Variants in CDCP2 observed in about 807,000 individuals in gnomAD.
The protein encoded by CDCP2 is CUB domain containing protein 2, also known as CUB domain-containing protein 2.
In CDCP2, 31 loss-of-function variants were observed where a neutral mutation model predicts 31.0. The ratio of observed to expected loss-of-function variants is 1.00; its 90% CI spans 0.75 to 1.35. The LOEUF is 1.35. Among genes scored for constraint, CDCP2 ranks in the 40% most tolerant of loss-of-function variants. The pLI, the probability that CDCP2 is intolerant of heterozygous loss-of-function variation, is 0.00. For missense variants in CDCP2, 443 were observed against 482.6 expected, an observed-to-expected ratio of 0.92 and a Z score of 0.77; for synonymous variants, 206 against 207.9, an observed-to-expected ratio of 0.99 and a Z score of 0.08.
At position 54,139,718 on chromosome 1, in the gene CDCP2, G is replaced by A. The variant is rs78565685; in HGVS notation, c.1117+35C>T. 3.0e-4 allele frequency: 490 copies of A among 1,614,138 alleles called. 2 individuals carry two copies. The East Asian group carries it at 0.01, about 33-fold the overall frequency. ...ACTGAGGCTGCAAAGCCTCCCCTTC[G>A]CCCTCAGTGGACCCACTCCCACAGC... On this transcript the variant is annotated intron_variant, in intron 4 of 5. Coordinates refer to ENST00000530059, the Ensembl canonical transcript of CDCP2.
At position 54,146,458 on chromosome 1, in the gene CDCP2, G is replaced by C. The variant is rs1659473062; in HGVS notation, c.80-1645C>G. ...GCCTCCCGAAGTGCTGGGATTATAG[G>C]CATGAGCCACCGCGCCCAGCCTGAG... On this transcript the variant is annotated intron_variant, in intron 1 of 5. Transcript: ENST00000530059. Among the ~76,000 whole-genome samples the C allele has an allele frequency of 2.0e-5, 3 of 151,896 alleles. 1 individual carries two copies. Among genetic ancestry groups the C allele is most frequent in the African/African-American group, 7.3e-5 (3 of 41,144 alleles).
chr1:54,147,838 C>CATCT (rs1327535022), intron 1 of CDCP2, among the ~76,000 whole-genome samples: 1 of 151,074 alleles, frequency 6.6e-6, no homozygotes, highest in Non-Finnish European at 1.5e-5. Context: ...GTAAGACCCC[C>CATCT]ATCTCTACAA....
At position 54,139,997 on chromosome 1, in the gene CDCP2, C is replaced by CG. The variant is rs1659334946; in HGVS notation, c.872dup (p.Tyr293LeufsTer23). On this transcript the variant is annotated frameshift_variant, in exon 4 of 6. Coordinates refer to ENST00000530059, the Ensembl canonical transcript of CDCP2. LOFTEE classifies it high-confidence loss of function. ...GGAAGAACACCTTGACCTGGTAGCC[C>CG]GGGGGCAGGCGGATGGTCCAGTGGC... 1 of 1,613,860 alleles carries CG rather than the reference C, an allele frequency of 6.2e-7. No individual in the cohort carries two copies. Among genetic ancestry groups the CG allele is most frequent in the South Asian group, 1.1e-5 (1 of 91,080 alleles).
chr1:54,141,132 G>A, exon 3 of CDCP2: 4 of 1,542,102 alleles, frequency 2.6e-6, no homozygotes, highest in Non-Finnish European at 3.5e-6. Flanking sequence ...CACGGCCTCC[G>A]ATGTTGAAGT....
intron 1 of CDCP2, 61 bp from the exon 2 acceptor site, chr1:54,144,874 G>A: frequency 7.6e-7 from 1 of 1,309,058 alleles, no homozygotes; most frequent in African/African-American, 1.5e-5. Flanking sequence ...CATGTGGTAA[G>A]GGCAGTGGGC....
intron 4 of CDCP2, chr1:54,137,672 T>TGTGTGTGTGC (rs1348628081): frequency 1.7e-5 from 2 of 121,170 alleles, no homozygotes; most frequent in Non-Finnish European, 3.4e-5. Flanking sequence ...CATGTGTGTG[T>TGTGTGTGTGC]GTGTGTGTGT....
At chr1:54,140,092 C>A (rs1557706509) in exon 4 of CDCP2, 1 of 1,613,256 alleles carries the variant, frequency 6.2e-7, no homozygotes, top group Admixed American at 1.7e-5. Context: ...GCCATGTATA[C>A]CTCCTGGCAT....
chr1:54,135,137 G>A (rs1418150765), intron 5 of CDCP2, among the ~76,000 whole-genome samples: 1 of 147,590 alleles, frequency 6.8e-6, no homozygotes, highest in Non-Finnish European at 1.5e-5. Flanking sequence ...CCAGTGAAAG[G>A]CTAAAGTAAA....
At chr1:54,141,318 G>C (rs764663365) in exon 3 of CDCP2, 7 of 1,614,114 alleles carry the variant, frequency 4.3e-6, no homozygotes, top group African/African-American at 2.7e-5. Context: ...GCTTGACGTG[G>C]GCAGGGCCAG....
chr1:54,150,987 C>A (rs915033134), intron 1 of CDCP2, among the ~76,000 whole-genome samples: 7 of 152,130 alleles, frequency 4.6e-5, no homozygotes, highest in African/African-American at 1.7e-4. Flanking sequence ...AAACACACAG[C>A]GTGATTGCAC....
In CDCP2 at chr1:54,141,321, AG is replaced by A; in HGVS notation, c.539del (p.Pro180LeufsTer131). The A allele has an allele frequency of 6.2e-7, 1 of 1,614,224 alleles. No individual in the cohort carries two copies. Among genetic ancestry groups the A allele is most frequent in the Non-Finnish European group, 8.5e-7 (1 of 1,180,030 alleles). On this transcript the variant is annotated frameshift_variant, in exon 3 of 6. Transcript: ENST00000530059. LOFTEE classifies it high-confidence loss of function. Reference sequence around the variant, plus strand: ...CCACGAACACCAGCTTGACGTGGGCAGGGCCAGCGGCCCGGATCACCCAGTG... The same window carrying A: ...CCACGAACACCAGCTTGACGTGGGCAGGCCAGCGGCCCGGATCACCCAGTG...
At chr1:54,136,786 G>C in exon 5 of CDCP2, 1 of 399,284 alleles carries the variant, frequency 2.5e-6, no homozygotes, top group Non-Finnish European at 4.4e-6. Context: ...CCGTGCGGGA[G>C]CAGCTCACGT....
At chr1:54,152,748 C>T (rs766602889) in intron 1 of CDCP2, 96 bp downstream of exon 1, 18 of 1,157,722 alleles carry the variant, frequency 1.6e-5, no homozygotes, top group Non-Finnish European at 2.1e-5. Context: ...GGACCTCCTG[C>T]TTTCTGGCTT....
chr1:54,152,340 T>G (rs1053544630), intron 1 of CDCP2, among the ~76,000 whole-genome samples: 6 of 152,082 alleles, frequency 3.9e-5, no homozygotes, highest in African/African-American at 1.4e-4. Flanking sequence ...GGCACATGCC[T>G]GTAATCCCTG....
At chr1:54,144,672 G>C in exon 2 of CDCP2, 1 of 1,614,232 alleles carries the variant, frequency 6.2e-7, no homozygotes, top group South Asian at 1.1e-5. Context: ...TAGGTCAAAG[G>C]CATGGAAGGT....
At chr1:54,150,866 GAC>G (rs1332444043) in intron 1 of CDCP2, among the ~76,000 whole-genome samples, 1 of 152,212 alleles carries the variant, frequency 6.6e-6, no homozygotes, top group African/African-American at 2.4e-5. Context: ...TATAAGAGAA[GAC>G]ACATTCGCTA....
intron 1 of CDCP2, among the ~76,000 whole-genome samples, chr1:54,145,394 C>T (rs1659450658): frequency 6.6e-6 from 1 of 151,966 alleles, no homozygotes; most frequent in African/African-American, 2.4e-5. Flanking sequence ...CCGCTGCACT[C>T]CAGCCTGGGC....
exon 4 of CDCP2, chr1:54,139,999 G>C: frequency 6.2e-7 from 1 of 1,614,082 alleles, no homozygotes; most frequent in Non-Finnish European, 8.5e-7. Context: ...TGGTAGCCCG[G>C]GGGCAGGCGG....
intron 1 of CDCP2, among the ~76,000 whole-genome samples, chr1:54,148,407 G>GA (rs5774176): frequency 0.13 from 18,249 of 142,880 alleles, 1,306 homozygotes; most frequent in Middle Eastern, 0.16. Flanking sequence ...ATTTGACAGT[G>GA]AAAAAAAAAA....
Sources: gnomAD v4.1 joint callset for allele counts (sites outside exome capture counted in the v4.1 genomes callset) on GRCh38, gnomAD v4.1.1 for gene constraint, MANE v1.5 for transcripts, NCBI Gene and HGNC (gene_info 2026-07-23, HGNC 2026-07-21) for gene names.